The following PDE10A variants were observed in gnomAD, a reference collection of about 807,000 sequenced individuals.
The protein encoded by PDE10A is cAMP and cAMP-inhibited cGMP 3',5'-cyclic phosphodiesterase 10A.
Under a neutral mutation model 97.7 loss-of-function variants are expected in PDE10A, and 39 were observed. The observed-to-expected ratio is 0.40, with a 90% CI of 0.31 to 0.52. The LOEUF (loss-of-function observed/expected upper bound fraction) is 0.52. Among genes scored for constraint, PDE10A ranks in the 20% least tolerant of loss-of-function variants. The pLI is 0.56. For synonymous variants in PDE10A, 371 were observed against 376.8 expected, an observed-to-expected ratio of 0.98 and a Z score of 0.18; for missense variants, 731 against 1,047.8, an observed-to-expected ratio of 0.70 and a Z score of 4.17.
intron 1 of PDE10A, among the ~76,000 whole-genome samples, chr6:165,976,853 C>T (rs753798719): frequency 2.6e-5 from 4 of 152,334 alleles, no homozygotes; most frequent in South Asian, 2.1e-4. Context: ...TCGGGCTGTG[C>T]GCCATGCCAT....
rs544914205 is a variant in PDE10A, at chr6:165,930,606, T to TA, written c.-615+56922dup. Among the ~76,000 whole-genome samples, 19 of 152,348 alleles carry TA rather than the reference T, an allele frequency of 1.2e-4. No homozygotes were observed. In the East Asian group the frequency reaches 3.5e-3, roughly 28 times the overall value. ...GATACTCAGGGTCTGCCTTCATCAG[T>TA]ATTCCAATAAGCCCATGCCGTGCAC... On this transcript the variant is annotated intron_variant, in intron 1 of 19. Transcript: ENST00000366882.
chr6:165,637,213 C>G (rs1204771398), intron 1 of PDE10A, among the ~76,000 whole-genome samples: 1 of 152,248 alleles, frequency 6.6e-6, no homozygotes, highest in South Asian at 2.1e-4. Context: ...ACCCCAGGAC[C>G]GATGCACTTA....
At position 165,396,588 on chromosome 6, in the gene PDE10A, T is replaced by A. The variant is rs535980258; in HGVS notation, c.2077-129A>T. The A allele has an allele frequency of 3.5e-6, 3 of 868,308 alleles. No homozygotes were observed. The South Asian group carries it at 5.6e-5, about 16-fold the overall frequency. The allele number at this position is 868,308 out of a possible 1,614,324, so 53.8% of individuals were successfully genotyped here. A position where few individuals can be genotyped will look rare whatever the true frequency, so the allele number is the denominator to read the frequency against. ...TAAAACCAAAGTGGATTTATTATTA[T>A]CCGTATTTCCATATGCACTGGGATG... is the stretch of plus-strand genomic sequence containing the variant. On this transcript the variant is annotated intron_variant, in intron 13 of 21. Transcript: ENST00000539869.
At chr6:165,933,988 CTTTT>C (rs35582422) in intron 1 of PDE10A, among the ~76,000 whole-genome samples, 1 of 140,270 alleles carries the variant, frequency 7.1e-6, no homozygotes. Flanking sequence ...CATCAATTCC[CTTTT>C]TTTTTTTTTT....
intron 1 of PDE10A, among the ~76,000 whole-genome samples, chr6:165,975,337 G>A (rs560856101): frequency 2.0e-5 from 3 of 152,302 alleles, no homozygotes; most frequent in Admixed American, 6.5e-5. Flanking sequence ...CAGGTGCAGT[G>A]GCTCATGCCT....
chr6:165,457,948 G>C (rs922884074), intron 3 of PDE10A, among the ~76,000 whole-genome samples: 1 of 152,116 alleles, frequency 6.6e-6, no homozygotes, highest in African/African-American at 2.4e-5. Flanking sequence ...TGTTAGTCCC[G>C]AGAGTCTGTG....
chr6:165,731,245 G>A (rs1792428792), intron 1 of PDE10A, among the ~76,000 whole-genome samples: 1 of 152,150 alleles, frequency 6.6e-6, no homozygotes, highest in Admixed American at 6.5e-5. Context: ...CAAGGAATCA[G>A]GAAACTCATG....
intron 2 of PDE10A, among the ~76,000 whole-genome samples, chr6:165,517,674 C>A (rs144700008): frequency 5.7e-4 from 87 of 152,224 alleles, no homozygotes; most frequent in African/African-American, 2.0e-3. Context: ...TGGGAAAACA[C>A]AGAACTATAG....
At chr6:165,482,901 T>C (rs1430936110) in intron 2 of PDE10A, among the ~76,000 whole-genome samples, 1 of 152,152 alleles carries the variant, frequency 6.6e-6, no homozygotes, top group Non-Finnish European at 1.5e-5. Flanking sequence ...TTGTCAGCAT[T>C]GGTGATTGGT....
At chr6:165,371,260 A>G (rs1340732454) in intron 18 of PDE10A, among the ~76,000 whole-genome samples, 3 of 152,118 alleles carry the variant, frequency 2.0e-5, no homozygotes, top group Non-Finnish European at 4.4e-5. Context: ...AGAGACACAA[A>G]AAACATTTCA....
At chr6:165,407,118 TTC>T (rs1178284354) in intron 13 of PDE10A, among the ~76,000 whole-genome samples, 3 of 152,192 alleles carry the variant, frequency 2.0e-5, no homozygotes, top group Non-Finnish European at 2.9e-5. Flanking sequence ...CGTGTATCTA[TTC>T]ATCTATATAT....
chr6:165,448,732 AC>A (rs1791048285), intron 5 of PDE10A, among the ~76,000 whole-genome samples, 195 bp downstream of exon 5: 1 of 151,980 alleles, frequency 6.6e-6, no homozygotes. Flanking sequence ...ACACACACAC[AC>A]ACACACGATT....
At position 165,418,780 on chromosome 6, in the gene PDE10A, A is replaced by G; in HGVS notation, c.1654-3T>C. 6.2e-7 allele frequency: 1 copy of G among 1,611,618 alleles called. No individual in the cohort carries two copies. The highest frequency in any genetic ancestry group is 1.3e-5 in the African/African-American group (1 of 74,954). Reference sequence around the variant, plus strand: ...TTCACCAGGTTTTTTGCATATATCTAAAGACAAATGACAAAATAAGAGGAA... The same window carrying G: ...TTCACCAGGTTTTTTGCATATATCTGAAGACAAATGACAAAATAAGAGGAA... On this transcript the variant is annotated splice_region_variant and splice_polypyrimidine_tract_variant and intron_variant, in intron 10 of 21. Transcript: ENST00000539869. This position sits in a 1 kb window ranked among gnomAD's most constrained non-coding sequence, Gnocchi z 4.8.
intron 1 of PDE10A, among the ~76,000 whole-genome samples, chr6:165,737,867 C>G (rs901975731): frequency 6.6e-6 from 1 of 152,168 alleles, no homozygotes; most frequent in Non-Finnish European, 1.5e-5. Context: ...AAAATTGTCT[C>G]TTTCTACAGA....
At chr6:165,334,475 A>G (rs957968887) in intron 21 of PDE10A, among the ~76,000 whole-genome samples, 2 of 152,002 alleles carry the variant, frequency 1.3e-5, no homozygotes, top group African/African-American at 4.8e-5. Flanking sequence ...AGCGCCCTAC[A>G]GCACCGGGCA....
At chr6:165,782,088 G>A (rs1308606453) in intron 1 of PDE10A, among the ~76,000 whole-genome samples, 5 of 152,224 alleles carry the variant, frequency 3.3e-5, no homozygotes, top group African/African-American at 9.7e-5. Context: ...CTGCCTAAGT[G>A]TAATCTGGAA....
rs1291359896 is a variant in PDE10A at position 165,388,573 on chromosome 6, T to C, written c.2455-120A>G. On this transcript the variant is annotated intron_variant, in intron 16 of 21. Transcript: ENST00000539869. This position sits in a 1 kb window ranked among gnomAD's most constrained non-coding sequence, Gnocchi z 4.0. ...TTAATATAGCACAAATACAGCATTC[T>C]GGCATAAAGAATCCTATACAAATAG... is the stretch of plus-strand genomic sequence containing the variant. 1 of 849,772 alleles carries C rather than the reference T, an allele frequency of 1.2e-6. No homozygotes were observed. The highest frequency in any genetic ancestry group is 1.9e-6 in the Non-Finnish European group (1 of 523,954). The allele number at this position is 849,772 out of a possible 1,614,324, so 52.6% of individuals were successfully genotyped here.
intron 15 of PDE10A, among the ~76,000 whole-genome samples, chr6:165,393,061 T>C (rs960181547): frequency 1.3e-5 from 2 of 152,108 alleles, no homozygotes; most frequent in African/African-American, 4.8e-5. Context: ...AAAATATCAG[T>C]ATTAGTACAC....
rs999879479 is a variant in PDE10A, at chr6:165,488,285, T to C, written c.995-5942A>G. 3.3e-5 allele frequency among the ~76,000 whole-genome samples: 5 copies of C among 152,154 alleles called. No individual in the cohort carries two copies. The South Asian group carries it at 1.0e-3, about 31-fold the overall frequency. Reference sequence around the variant, plus strand: ...TTAGTTTTTAGAGAAAGATAAAGCATCTTTGATCCAAACCTCATTTTAATA... The same window carrying C: ...TTAGTTTTTAGAGAAAGATAAAGCACCTTTGATCCAAACCTCATTTTAATA... On this transcript the variant is annotated intron_variant, in intron 2 of 21. Coordinates refer to ENST00000539869, the MANE Select transcript of PDE10A (RefSeq NM_001385079.1).
Sources: gnomAD v4.1 joint callset for allele counts (sites outside exome capture counted in the v4.1 genomes callset) on GRCh38, gnomAD v4.1.1 for gene constraint, Gnocchi (gnomAD v3.1) non-coding constraint, MANE v1.5 for transcripts, NCBI Gene and HGNC (gene_info 2026-07-23, HGNC 2026-07-21) for gene names.